The following TMEM260 variants were observed in gnomAD, a reference collection of about 807,000 sequenced individuals.
TMEM260 encodes the protein transmembrane protein 260.
TMEM260 carries 82 observed loss-of-function variants against 88.9 expected under a neutral mutation model. That is an observed-to-expected ratio of 0.92 (90% CI 0.77 to 1.11). TMEM260 has a LOEUF of 1.11. Ranked by LOEUF, TMEM260 falls within the 50% of genes least tolerant of loss-of-function variation. The pLI is 0.00. For synonymous variants in TMEM260, 314 were observed against 309.3 expected (o/e 1.02, Z -0.16); for missense variants, 902 against 853.4 (o/e 1.06, Z -0.71).
At chr14:56,584,194 T>A (rs147226828) in intron 1 of TMEM260, among the ~76,000 whole-genome samples, 9 of 152,232 alleles carry the variant, frequency 5.9e-5, no homozygotes, top group African/African-American at 1.9e-4. Flanking sequence ...TTGCTATCTA[T>A]GAAAGGATAG....
chr14:56,621,264 T>G (rs1040512226), intron 10 of TMEM260, among the ~76,000 whole-genome samples: 1 of 152,218 alleles, frequency 6.6e-6, no homozygotes, highest in Non-Finnish European at 1.5e-5. Flanking sequence ...AAAAAGGACC[T>G]ATTCTTGTGT....
At position 56,636,505 on chromosome 14, in the gene TMEM260, C is replaced by T; in HGVS notation, c.1779-3C>T. 6.2e-7 allele frequency: 1 copy of T among 1,613,774 alleles called. No individual in the cohort carries two copies. Among genetic ancestry groups the T allele is most frequent in the Non-Finnish European group, 8.5e-7 (1 of 1,179,766 alleles). ...TAATGAAGGTTCCTATCCCCACCCC[C>T]AGGATGAAAACACCGTTCTTCATCT... On this transcript the variant is annotated splice_polypyrimidine_tract_variant and splice_region_variant and intron_variant, in intron 14 of 15. Transcript: ENST00000261556.
chr14:56,627,664 C>T lies in TMEM260; in HGVS notation c.1547+2134C>T, dbSNP rs556271997. On this transcript the variant is annotated intron_variant, in intron 12 of 15. Coordinates refer to ENST00000261556, the MANE Select transcript of TMEM260 (RefSeq NM_017799.4). Reference sequence around the variant, plus strand: ...CATGTGATAGAGATATTTTTCCCCCCCAAAGGGATGGACCATCATCATATG... The same window carrying T: ...CATGTGATAGAGATATTTTTCCCCCTCAAAGGGATGGACCATCATCATATG... Among the ~76,000 whole-genome samples the T allele has an allele frequency of 2.6e-5, 4 of 152,266 alleles. No homozygotes were observed. In the South Asian group the frequency reaches 8.3e-4, roughly 32 times the overall value.
In TMEM260 at chr14:56,596,406, G is replaced by GTGTA. The variant is rs1290307932; in HGVS notation, c.345-7408_345-7407insGTAT. ...AGTGTGTGTGTGTGTGTGTGTGTGT[G>GTGTA]TATATATATATATATATATACATAC... On this transcript the variant is annotated intron_variant, in intron 3 of 15. Transcript: ENST00000261556. Among the ~76,000 whole-genome samples, 46 of 111,322 alleles carry GTGTA rather than the reference G, an allele frequency of 4.1e-4. No individual in the cohort carries two copies. The South Asian group carries it at 5.2e-3, about 13-fold the overall frequency. The allele number at this position is 111,322 out of a possible 152,430, so 73.0% of individuals were successfully genotyped here.
Position 56,579,862 on chromosome 14 carries a change from C to T in TMEM260, c.-53C>T, listed in dbSNP as rs1476887617. ...GTCTCTCGGCTGGGGAGCTCCGTGT[C>T]GCACCGGGTTCTTGGGCTGGCCGTG... On this transcript the variant is annotated 5_prime_UTR_variant, in exon 1 of 16. Transcript: ENST00000261556. 5.7e-6 allele frequency: 7 copies of T among 1,228,546 alleles called. No homozygotes were observed. Among genetic ancestry groups the T allele is most frequent in the African/African-American group, 3.1e-5 (2 of 64,284 alleles). 76.1% of individuals were successfully genotyped at this position (1,228,546 alleles called of 1,614,324 possible).
upstream of TMEM260, chr14:56,579,591 A>G: frequency 3.7e-6 from 1 of 270,064 alleles, no homozygotes; most frequent in East Asian, 6.3e-5. Context: ...GGGAATAGCC[A>G]TGGAGAAGGT....
chr14:56,610,381 C>T (rs769169021), intron 6 of TMEM260, among the ~76,000 whole-genome samples: 14 of 152,146 alleles, frequency 9.2e-5, no homozygotes, highest in Non-Finnish European at 2.1e-4. Flanking sequence ...GCTGGGACTA[C>T]AGACGCCCAC....
At chr14:56,634,060 G>A (rs899784789) in intron 13 of TMEM260, among the ~76,000 whole-genome samples, 4 of 152,140 alleles carry the variant, frequency 2.6e-5, no homozygotes, top group Admixed American at 6.6e-5. Flanking sequence ...ACTAGTACAC[G>A]TACATAACTT....
intron 5 of TMEM260, 121 bp downstream of exon 5, chr14:56,605,804 C>T (rs924810513): frequency 3.5e-5 from 20 of 575,500 alleles, no homozygotes; most frequent in Non-Finnish European, 5.0e-5. Context: ...GCATAAATAA[C>T]CCTAGGGCCT....
chr14:56,621,840 T>C (rs1417411930), intron 11 of TMEM260, 138 bp downstream of exon 11: 1 of 622,488 alleles, frequency 1.6e-6, no homozygotes, highest in Non-Finnish European at 2.5e-6. Context: ...ACATTCTACA[T>C]GTTAGGTAGA....
At chr14:56,586,784 T>C (rs958750335) in intron 3 of TMEM260, among the ~76,000 whole-genome samples, 7 of 152,064 alleles carry the variant, frequency 4.6e-5, no homozygotes, top group Non-Finnish European at 1.0e-4. Flanking sequence ...AAAGTCATAA[T>C]ACTGCCCTTT....
At chr14:56,630,087 C>T (rs1362885174) in intron 12 of TMEM260, among the ~76,000 whole-genome samples, 1 of 151,632 alleles carries the variant, frequency 6.6e-6, no homozygotes. Context: ...TTTTTTTGGC[C>T]TGTGTAGCTT....
At chr14:56,635,036 G>T in intron 14 of TMEM260, 84 bp downstream of exon 14, 1 of 1,154,716 alleles carries the variant, frequency 8.7e-7, no homozygotes, top group Non-Finnish European at 1.3e-6. Context: ...TTTGAGAGTA[G>T]GGGTGAGTAG....
At chr14:56,647,114 G>T in intron 15 of TMEM260, 129 bp from the exon 16 acceptor site, 7 of 992,098 alleles carry the variant, frequency 7.1e-6, no homozygotes, top group Non-Finnish European at 1.0e-5. Flanking sequence ...GCTTAGCAAT[G>T]ATTAGATTTT....
chr14:56,622,707 GA>G (rs1163609280), intron 11 of TMEM260, among the ~76,000 whole-genome samples: 1 of 152,078 alleles, frequency 6.6e-6, no homozygotes, highest in African/African-American at 2.4e-5. Flanking sequence ...CAGTCATTAG[GA>G]AAAGAGAAAT....
chr14:56,656,501 G>T, the TMEM260 span, among the ~76,000 whole-genome samples: 85 of 152,202 alleles, frequency 5.6e-4, no homozygotes, highest in Non-Finnish European at 9.4e-4. Context: ...CTACCTCATG[G>T]TGCAGCTATA....
intron 3 of TMEM260, among the ~76,000 whole-genome samples, chr14:56,587,672 C>A (rs182259656): frequency 6.6e-6 from 1 of 152,076 alleles, no homozygotes; most frequent in East Asian, 1.9e-4. Flanking sequence ...GGAAAAGTTG[C>A]TTTCTTTCAG....
In TMEM260 at chr14:56,636,496, C is replaced by G. The variant is rs535606277; in HGVS notation, c.1779-12C>G. ...GTATGATTTTAATGAAGGTTCCTAT[C>G]CCCACCCCCAGGATGAAAACACCGT... On this transcript the variant is annotated splice_polypyrimidine_tract_variant and intron_variant, in intron 14 of 15. Coordinates refer to ENST00000261556, the MANE Select transcript of TMEM260 (RefSeq NM_017799.4). The G allele has an allele frequency of 4.9e-5, 79 of 1,612,534 alleles. 1 individual carries two copies. The South Asian group carries it at 7.0e-4, about 14-fold the overall frequency.
At position 56,605,795 on chromosome 14, in the gene TMEM260, C is replaced by T. The variant is rs534919428; in HGVS notation, c.636+112C>T. 1.1e-4 allele frequency: 68 copies of T among 629,856 alleles called. 2 individuals are homozygous for T. In the South Asian group the frequency reaches 1.5e-3, roughly 14 times the overall value. 39.0% of individuals were successfully genotyped at this position (629,856 alleles called of 1,614,324 possible). A position where few individuals can be genotyped will look rare whatever the true frequency, so the allele number is the denominator to read the frequency against. On this transcript the variant is annotated intron_variant, in intron 5 of 15. Transcript: ENST00000261556. ...AATTTTTCTTGGGTTTCATGTAAAG[C>T]ATAAATAACCCTAGGGCCTAACAAT...
Sources: allele counts gnomAD v4.1 joint callset (sites outside exome capture counted in the v4.1 genomes callset), GRCh38; gene constraint gnomAD v4.1.1; transcripts MANE v1.5; gene names NCBI Gene and HGNC (gene_info 2026-07-23, HGNC 2026-07-21).